Variants in RPE observed in about 807,000 individuals in gnomAD.
RPE encodes ribulose-5-phosphate-3-epimerase.
A neutral mutation model predicts 24.6 loss-of-function variants in RPE; 16 were observed. The ratio of observed to expected loss-of-function variants is 0.65; its 90% confidence interval spans 0.44 to 0.99. The LOEUF (loss-of-function observed/expected upper bound fraction) is 0.99, where lower values mean the gene tolerates loss of function less well. RPE is among the 50% of genes least tolerant of loss of function. The pLI is 0.00. For missense variants in RPE, 240 were observed against 294.5 expected (o/e 0.81, Z 1.35); for synonymous variants, 93 against 98.4 (o/e 0.94, Z 0.33).
intron 1 of RPE, among the ~76,000 whole-genome samples, chr2:210,005,314 C>G (rs73005321): frequency 1.9e-3 from 289 of 151,916 alleles, no homozygotes; most frequent in Non-Finnish European, 3.3e-3. Flanking sequence ...TTATTGTTTT[C>G]TAGTCTCCTC....
intron 2 of RPE, among the ~76,000 whole-genome samples, chr2:210,013,304 G>C (rs1575312778): frequency 6.6e-6 from 1 of 150,962 alleles, no homozygotes; most frequent in African/African-American, 2.4e-5. Context: ...ATAGGTAATA[G>C]AGTTATCCTT....
intron 5 of RPE, chr2:210,018,036 C>T (rs529988659): frequency 2.8e-6 from 3 of 1,059,268 alleles, no homozygotes; most frequent in East Asian, 2.6e-5. Context: ...TGAGCCATGG[C>T]GTCTGGCCCG....
chr2:210,009,146 T>G (rs1356698214), intron 1 of RPE, among the ~76,000 whole-genome samples: 1 of 152,250 alleles, frequency 6.6e-6, no homozygotes, highest in Non-Finnish European at 1.5e-5. Context: ...ATGCTTGGCA[T>G]GTAGTAAACC....
intron 1 of RPE, among the ~76,000 whole-genome samples, chr2:210,009,228 G>T (rs1276911625): frequency 1.3e-5 from 2 of 152,022 alleles, no homozygotes; most frequent in South Asian, 4.1e-4. Context: ...AAAGTTTAAA[G>T]AAACTGTCAT....
At chr2:210,003,362 G>A (rs1402336765) in intron 1 of RPE, 1 of 816,996 alleles carries the variant, frequency 1.2e-6, no homozygotes, top group Non-Finnish European at 1.8e-6. Flanking sequence ...ACAGTGCCTG[G>A]CGTATATTAA....
chr2:210,014,169 G>A (rs1448810624), intron 2 of RPE, among the ~76,000 whole-genome samples: 2 of 151,958 alleles, frequency 1.3e-5, no homozygotes, highest in Non-Finnish European at 2.9e-5. Flanking sequence ...TCGGCTGACT[G>A]CAAGCTCCGC....
intron 1 of RPE, among the ~76,000 whole-genome samples, chr2:210,006,259 G>C (rs1297889802): frequency 6.6e-6 from 1 of 152,134 alleles, no homozygotes; most frequent in African/African-American, 2.4e-5. Context: ...CAGATTCCCG[G>C]TCCTCTTTGG....
chr2:210,005,262 C>A (rs2093614843), intron 1 of RPE, among the ~76,000 whole-genome samples: 1 of 151,872 alleles, frequency 6.6e-6, no homozygotes, highest in Non-Finnish European at 1.5e-5. Context: ...TTTTTCCTGG[C>A]CCCTTTTAAA....
intron 4 of RPE, 49 bp from the exon 5 acceptor site, chr2:210,017,423 AC>A: frequency 2.3e-6 from 1 of 437,598 alleles, no homozygotes; most frequent in East Asian, 5.8e-5. Flanking sequence ...CCCCACCCCC[AC>A]CAACATACCC....
intron 2 of RPE, among the ~76,000 whole-genome samples, chr2:210,011,607 A>C (rs2125069838): frequency 6.6e-6 from 1 of 152,336 alleles, no homozygotes; most frequent in East Asian, 1.9e-4. Flanking sequence ...AAGATAAATG[A>C]ACTCCATTCA....
intron 2 of RPE, among the ~76,000 whole-genome samples, chr2:210,012,788 C>T (rs191351990): frequency 2.0e-4 from 31 of 152,308 alleles, no homozygotes; most frequent in East Asian, 1.2e-3. Flanking sequence ...TATCTTACCA[C>T]TCTGGGTTTG....
chr2:210,005,379 A>G (rs1247037047), intron 1 of RPE, among the ~76,000 whole-genome samples: 1 of 152,194 alleles, frequency 6.6e-6, no homozygotes. Flanking sequence ...TTCATTTAGA[A>G]AGTCAGAAAC....
At chr2:210,018,230 A>G in intron 5 of RPE, 1 of 1,529,470 alleles carries the variant, frequency 6.5e-7, no homozygotes, top group Admixed American at 2.0e-5. Context: ...AGGTACTACC[A>G]AGGGGGGAAA....
At chr2:210,003,606 T>G (rs2093592671) in intron 1 of RPE, 1 of 410,384 alleles carries the variant, frequency 2.4e-6, no homozygotes, top group African/African-American at 2.1e-5. Flanking sequence ...CAGAAGATTG[T>G]GACAGACTTG....
intron 1 of RPE, 74 bp from the exon 2 acceptor site, chr2:210,009,583 T>C: frequency 1.3e-6 from 2 of 1,578,624 alleles, no homozygotes; most frequent in Non-Finnish European, 1.7e-6. Context: ...TCAACCTGTG[T>C]CAGAATTCAT....
chr2:210,010,127 AGTTT>A (rs556849005), intron 2 of RPE, among the ~76,000 whole-genome samples: 256 of 152,348 alleles, frequency 1.7e-3, no homozygotes, highest in Admixed American at 4.3e-3. Context: ...GATTGAATCC[AGTTT>A]GTTTACTGTG....
rs1559481384 is a variant in RPE at position 210,016,005 on chromosome 2, TG to T, written c.238del (p.Val80Ter). On this transcript the variant is annotated frameshift_variant, in exon 3 of 6. Coordinates refer to ENST00000359429, the MANE Select transcript of RPE (RefSeq NM_199229.3). LOFTEE classifies it high-confidence loss of function. ...CATGATGGTGTCCAAGCCAGAACAG[TG>T]GGTAAAGCCAATGGCTGTAGCAGGA... ...MHMMVSKPEQ[W>X]VKPMAVAGAN... 8 of 1,614,050 alleles carry T rather than the reference TG, an allele frequency of 5.0e-6. No homozygotes were observed. The highest frequency in any genetic ancestry group is 6.8e-6 in the Non-Finnish European group (8 of 1,180,044).
intron 5 of RPE, chr2:210,018,353 A>T: frequency 7.2e-7 from 1 of 1,391,004 alleles, no homozygotes; most frequent in Non-Finnish European, 9.3e-7. Context: ...TCTAGGCCTG[A>T]TACCTCTTTG....
intron 4 of RPE, among the ~76,000 whole-genome samples, chr2:210,017,137 G>T (rs1002342921): frequency 1.8e-4 from 27 of 152,246 alleles, no homozygotes; most frequent in African/African-American, 6.5e-4. Flanking sequence ...AGCCAACCAC[G>T]CCTGGAAGTC....
Sources: gnomAD v4.1 joint callset for allele counts (sites outside exome capture counted in the v4.1 genomes callset) on GRCh38, gnomAD v4.1.1 for gene constraint, MANE v1.5 for transcripts, NCBI Gene and HGNC (gene_info 2026-07-23, HGNC 2026-07-21) for gene names.